Variants in BID observed in about 807,000 individuals in gnomAD.
BID encodes the protein BH3 interacting domain death agonist, also known as BH3-interacting domain death agonist.
Under a neutral mutation model 17.4 loss-of-function variants are expected in BID, and 19 were observed. That is an observed-to-expected ratio of 1.09 (90% confidence interval 0.76 to 1.60). The LOEUF (loss-of-function observed/expected upper bound fraction) is 1.60, where lower values mean the gene tolerates loss of function less well. Ranked by LOEUF, BID falls within the 40% of genes most tolerant of loss-of-function variation. The pLI is 0.00. For synonymous variants in BID, 108 were observed against 102.8 expected, an observed-to-expected ratio of 1.05 and a Z score of -0.31; for missense variants, 226 against 256.0, an observed-to-expected ratio of 0.88 and a Z score of 0.80.
chr22:17,773,883 C>A lies in BID; in HGVS notation c.-59+498G>T. 1 of 624,810 alleles carries A rather than the reference C, an allele frequency of 1.6e-6. No individual in the cohort carries two copies. Among genetic ancestry groups the A allele is most frequent in the South Asian group, 1.9e-5 (1 of 52,294 alleles). The allele number at this position is 624,810 out of a possible 1,614,324, so 38.7% of individuals were successfully genotyped here. ...CCCCAGTAAGCGGCCGCTCTGACCGCGCTTTGTCAGCCCTGAGCTCCGCTC... is the reference window on the plus strand; with the variant it reads ...CCCCAGTAAGCGGCCGCTCTGACCGAGCTTTGTCAGCCCTGAGCTCCGCTC... On this transcript the variant is annotated intron_variant, in intron 1 of 5. Coordinates refer to ENST00000622694, the MANE Select transcript of BID (RefSeq NM_001196.4). The surrounding 1 kb of genome is among the most constrained non-coding windows in gnomAD (Gnocchi z 4.4).
At chr22:17,772,764 C>T (rs536533246) in intron 1 of BID, among the ~76,000 whole-genome samples, 2 of 152,240 alleles carry the variant, frequency 1.3e-5, no homozygotes, top group South Asian at 2.1e-4. Flanking sequence ...TCACGTCAGC[C>T]GAGCCTGTGA....
In BID at chr22:17,773,769, C is replaced by T. The variant is rs1473247316; in HGVS notation, c.-59+612G>A. 7.5e-7 allele frequency: 1 copy of T among 1,331,766 alleles called. No individual in the cohort carries two copies. Among genetic ancestry groups the T allele is most frequent in the South Asian group, 1.2e-5 (1 of 81,464 alleles). 82.5% of individuals were successfully genotyped at this position (1,331,766 alleles called of 1,614,324 possible). ...GAGGGCTTCAGAGCTCTCCCAGGGT[C>T]CCCTGGGGTCATTCAGCCACTCAAC... On this transcript the variant is annotated intron_variant, in intron 1 of 5. Transcript: ENST00000622694. This position sits in a 1 kb window ranked among gnomAD's most constrained non-coding sequence, Gnocchi z 4.4.
rs772463895 is a variant in BID at position 17,773,609 on chromosome 22, C to G, written c.-59+772G>C. 4 of 1,612,558 alleles carry G rather than the reference C, an allele frequency of 2.5e-6. No individual in the cohort carries two copies. Among genetic ancestry groups the G allele is most frequent in the African/African-American group, 2.7e-5 (2 of 74,942 alleles). On this transcript the variant is annotated intron_variant, in intron 1 of 5. Transcript: ENST00000622694. This position sits in a 1 kb window ranked among gnomAD's most constrained non-coding sequence, Gnocchi z 4.4. ...GAAGGCCCAGCCCCCAGCCCACTTA[C>G]AGAATCCGCACTGTGCTCCTCCAGC...
chr22:17,746,940 C>T (rs937614842), intron 2 of BID, among the ~76,000 whole-genome samples: 9 of 152,182 alleles, frequency 5.9e-5, no homozygotes, highest in Admixed American at 5.9e-4. Context: ...CGCAGGCAGC[C>T]GCTGCCCAAG....
At chr22:17,744,431 C>T (rs545606832) in intron 2 of BID, among the ~76,000 whole-genome samples, 3 of 152,270 alleles carry the variant, frequency 2.0e-5, no homozygotes, top group Non-Finnish European at 4.4e-5. Flanking sequence ...TCTGAGCCCA[C>T]CTTTCCTGGC....
At chr22:17,737,888 A>G in intron 5 of BID, 129 bp downstream of exon 5, 1 of 1,004,396 alleles carries the variant, frequency 1.0e-6, no homozygotes, top group Non-Finnish European at 1.5e-6. Flanking sequence ...AGCAAAACCA[A>G]ACCCGAGCAG....
chr22:17,767,860 A>G (rs2061689863), intron 1 of BID, among the ~76,000 whole-genome samples: 1 of 152,180 alleles, frequency 6.6e-6, no homozygotes, highest in Non-Finnish European at 1.5e-5. Flanking sequence ...CCAAGGCAGG[A>G]GGATCACTTG....
chr22:17,750,255 T>C, intron 1 of BID, 81 bp from the exon 2 acceptor site: 1 of 1,240,506 alleles, frequency 8.1e-7, no homozygotes, highest in African/African-American at 1.5e-5. Context: ...GAAGCTGGCC[T>C]GTGCTCCAGA....
Position 17,773,679 on chromosome 22 carries a change from C to CCG in BID, c.-59+700_-59+701dup. ...CCACCGAGCCATCATGACCCCAGCA[C>CCG]CGCTGCACATTCGTATTTGTTGAAT... On this transcript the variant is annotated intron_variant, in intron 1 of 5. Transcript: ENST00000622694. This position sits in a 1 kb window ranked among gnomAD's most constrained non-coding sequence, Gnocchi z 4.4. 1 of 1,610,618 alleles carries CCG rather than the reference C, an allele frequency of 6.2e-7. No homozygotes were observed. The highest frequency in any genetic ancestry group is 8.5e-7 in the Non-Finnish European group (1 of 1,179,930).
intron 5 of BID, 62 bp downstream of exon 5, chr22:17,737,955 A>G: frequency 1.9e-6 from 3 of 1,580,474 alleles, no homozygotes; most frequent in Non-Finnish European, 2.6e-6. Flanking sequence ...GGGCTTCTCA[A>G]CCTTCCAGAG....
chr22:17,749,316 G>C (rs1399102853), intron 2 of BID, among the ~76,000 whole-genome samples: 2 of 152,130 alleles, frequency 1.3e-5, no homozygotes, highest in Non-Finnish European at 2.9e-5. Flanking sequence ...GAAGGCGGGG[G>C]CTCCGGGCTC....
chr22:17,740,104 C>CCA (rs756566815), intron 3 of BID: 14 of 1,165,262 alleles, frequency 1.2e-5, no homozygotes, highest in Non-Finnish European at 1.7e-5. Flanking sequence ...TCCATGAAGG[C>CCA]CACGCTCAAC....
chr22:17,759,250 A>AC (rs56144424), intron 1 of BID, among the ~76,000 whole-genome samples: 2,765 of 148,406 alleles, frequency 0.019, 91 homozygotes, highest in African/African-American at 0.061. Context: ...ACAAAACAAA[A>AC]AAAAAAAAAC....
chr22:17,773,465 G>A lies in BID; in HGVS notation c.-59+916C>T. 1.3e-6 allele frequency: 1 copy of A among 793,086 alleles called. No individual in the cohort carries two copies. The highest frequency in any genetic ancestry group is 2.1e-6 in the Non-Finnish European group (1 of 477,220). 49.1% of individuals were successfully genotyped at this position (793,086 alleles called of 1,614,324 possible). A position where few individuals can be genotyped will look rare whatever the true frequency, so the allele number is the denominator to read the frequency against. On this transcript the variant is annotated intron_variant, in intron 1 of 5. Coordinates refer to ENST00000622694, the MANE Select transcript of BID (RefSeq NM_001196.4). This position sits in a 1 kb window ranked among gnomAD's most constrained non-coding sequence, Gnocchi z 4.4. ...CCCACAGTGAGAGCGAGGACTGAGG[G>A]TGTGGATAAGGCTCCAGGAAGGGGG...
At position 17,740,242 on chromosome 22, in the gene BID, C is replaced by G. The variant is rs938346985; in HGVS notation, c.224-754G>C. ...ATCTGTTTTGTCCACTGACAAATAC[C>G]CAGCACTTAATACATGGCACTCAGT... On this transcript the variant is annotated intron_variant, in intron 3 of 5. Coordinates refer to ENST00000622694, the MANE Select transcript of BID (RefSeq NM_001196.4). 93 of 1,434,310 alleles carry G rather than the reference C, an allele frequency of 6.5e-5. No homozygotes were observed. The East Asian group carries it at 2.2e-3, about 34-fold the overall frequency. The allele number at this position is 1,434,310 out of a possible 1,614,324, so 88.8% of individuals were successfully genotyped here. A position where few individuals can be genotyped will look rare whatever the true frequency, so the allele number is the denominator to read the frequency against.
intron 1 of BID, among the ~76,000 whole-genome samples, chr22:17,765,770 G>A (rs1389079691): frequency 1.3e-5 from 2 of 152,158 alleles, no homozygotes; most frequent in Non-Finnish European, 2.9e-5. Flanking sequence ...CATGGCACAT[G>A]TATATATATG....
rs1569038287 is a variant in BID, at chr22:17,739,787, A to G, written c.224-299T>C. The G allele has an allele frequency of 1.4e-5, 8 of 578,660 alleles. No homozygotes were observed. In the East Asian group the frequency reaches 2.3e-4, roughly 17 times the overall value. 35.8% of individuals were successfully genotyped at this position (578,660 alleles called of 1,614,324 possible). A position where few individuals can be genotyped will look rare whatever the true frequency, so the allele number is the denominator to read the frequency against. On this transcript the variant is annotated intron_variant, in intron 3 of 5. Coordinates refer to ENST00000622694, the MANE Select transcript of BID (RefSeq NM_001196.4). ...GGGGCATCACGACCACGCCTGAGGT[A>G]CAAGCCTGGCAGCGGCTTCATGGCT...
intron 1 of BID, among the ~76,000 whole-genome samples, chr22:17,770,106 T>G (rs1169519239): frequency 6.6e-6 from 1 of 152,058 alleles, no homozygotes; most frequent in Non-Finnish European, 1.5e-5. Context: ...TTGCCACTCC[T>G]GTCCTGTTCT....
intron 1 of BID, among the ~76,000 whole-genome samples, chr22:17,765,702 G>T (rs922832141): frequency 1.3e-5 from 2 of 152,152 alleles, no homozygotes; most frequent in Admixed American, 1.3e-4. Flanking sequence ...AAGAAAAGGG[G>T]GGAAGGATAG....
Sources: gnomAD v4.1 joint callset for allele counts (sites outside exome capture counted in the v4.1 genomes callset) on GRCh38, gnomAD v4.1.1 for gene constraint, Gnocchi (gnomAD v3.1) non-coding constraint, MANE v1.5 for transcripts, NCBI Gene and HGNC (gene_info 2026-07-23, HGNC 2026-07-21) for gene names.